Variants in CNOT1 observed in about 807,000 individuals in gnomAD.
CNOT1 encodes the protein CCR4-associated factor 1.
A neutral mutation model predicts 273.8 loss-of-function variants in CNOT1; 15 were observed. That is an observed-to-expected ratio of 0.05 (90% CI 0.04 to 0.08). The LOEUF (loss-of-function observed/expected upper bound fraction) is 0.08. Ranked by LOEUF, CNOT1 falls within the 10% of genes least tolerant of loss-of-function variation. The pLI is 1.00. For synonymous variants in CNOT1, 1,022 were observed against 1,005.5 expected (o/e 1.02, Z -0.31); for missense variants, 1,644 against 2,912.2 (o/e 0.56, Z 10.02).
At chr16:58,528,982 T>TA (rs2039688462) in intron 43 of CNOT1, among the ~76,000 whole-genome samples, 4 of 145,300 alleles carry the variant, frequency 2.8e-5, no homozygotes, top group Admixed American at 1.4e-4. Context: ...GAAAGTAGAG[T>TA]AAAAGCATAT....
chr16:58,619,618 G>A (rs932127995), intron 1 of CNOT1, among the ~76,000 whole-genome samples: 1 of 151,964 alleles, frequency 6.6e-6, no homozygotes, highest in Non-Finnish European at 1.5e-5. Context: ...TAGAGACGGG[G>A]TTTCACCATA....
chr16:58,534,204 G>T lies in CNOT1; in HGVS notation c.5838C>A (p.Leu1946=). 6.2e-7 allele frequency: 1 copy of T among 1,614,124 alleles called. No individual in the cohort carries two copies. The highest frequency in any genetic ancestry group is 1.1e-5 in the South Asian group (1 of 91,070). Residue 1946 remains leucine, a synonymous_variant, in exon 40 of 49, where the codon CTC becomes CTA. Coordinates refer to ENST00000317147, the MANE Select transcript of CNOT1 (RefSeq NM_016284.5). ...LDAFVRLIAL[L]VKHSGEATNT... ...TGGTGGCCTCCCCTGAGTGTTTCAC[G>T]AGCAGTGCAATGAGTCGAACAAAGG...
chr16:58,578,933 G>A lies in CNOT1; in HGVS notation c.1350C>T (p.Ser450=), dbSNP rs980258551. ...DDNREIATWK[S]LDLIESLLRL... ...TCAGCAGAGATTCAATCAAATCCAA[G>A]CTCTTCCTAACGAGAAAGGAAGAAA... Residue 450 remains serine (S), a synonymous_variant, in exon 13 of 49, where the codon AGC becomes AGT. Transcript: ENST00000317147. 56 of 1,613,204 alleles carry A rather than the reference G, an allele frequency of 3.5e-5. No homozygotes were observed. Among genetic ancestry groups the A allele is most frequent in the Non-Finnish European group, 4.4e-5 (52 of 1,179,480 alleles).
At position 58,560,327 on chromosome 16, in the gene CNOT1, G is replaced by A. The variant is rs917698690; in HGVS notation, c.2015C>T (p.Thr672Ile). ...VSQELSETIL[T>I]MVANCSNVMN... ...AACATTACTGCAATTGGCTACCATG[G>A]TGAGGATAGTTTCTGATAGCTCCTG... Residue 672 changes from threonine to isoleucine, a missense_variant, in exon 17 of 49, where the codon ACC (threonine) becomes ATC (isoleucine). By Grantham distance (89) the Thr-to-Ile change is moderately conservative. Around this residue, in one of 13 missense-constraint regions of CNOT1, gnomAD observed 706 missense variants for 1,021.2 expected, o/e 0.69. Coordinates refer to ENST00000317147, the MANE Select transcript of CNOT1 (RefSeq NM_016284.5). The A allele has an allele frequency of 6.2e-7, 1 of 1,614,134 alleles. No homozygotes were observed. The highest frequency in any genetic ancestry group is 8.5e-7 in the Non-Finnish European group (1 of 1,180,022).
intron 14 of CNOT1, among the ~76,000 whole-genome samples, chr16:58,576,245 G>A (rs2041454698): frequency 6.6e-6 from 1 of 151,884 alleles, no homozygotes; most frequent in South Asian, 2.1e-4. Flanking sequence ...TGAGTAGCTG[G>A]GATTACAGGC....
At chr16:58,605,637 A>G (rs1342529952) in intron 1 of CNOT1, among the ~76,000 whole-genome samples, 10 of 152,196 alleles carry the variant, frequency 6.6e-5, no homozygotes, top group Admixed American at 5.2e-4. Context: ...TCATACAATA[A>G]AAATGCTAAA....
At chr16:58,546,836 T>TA (rs765503158) in intron 27 of CNOT1, 87 bp from the exon 28 acceptor site, 62 of 1,510,672 alleles carry the variant, frequency 4.1e-5, no homozygotes, top group Non-Finnish European at 5.5e-5. Context: ...CATAAGGGGG[T>TA]AGGGGGGAGT....
intron 37 of CNOT1, 37 bp from the exon 38 acceptor site, chr16:58,538,097 A>C: frequency 6.8e-6 from 11 of 1,614,022 alleles, no homozygotes; most frequent in Non-Finnish European, 8.5e-6. Flanking sequence ...GAGGGAAAAC[A>C]CTTAAGAGCA....
chr16:58,575,061 A>C lies in CNOT1; in HGVS notation c.1773T>G (p.Arg591=), dbSNP rs751683058. 8.7e-6 allele frequency: 14 copies of C among 1,614,058 alleles called. No homozygotes were observed. The highest frequency in any genetic ancestry group is 1.7e-5 in the Admixed American group (1 of 59,996). Residue 591 remains arginine (R), a synonymous_variant, in exon 15 of 49, where the codon CGT becomes CGG. Coordinates refer to ENST00000317147, the MANE Select transcript of CNOT1 (RefSeq NM_016284.5). ...FVIDLAALAS[R]REYLKLDKWL... is the part of the protein sequence containing the mutation. ...ACTTATCAAGTTTGAGGTATTCACG[A>C]CGTGAAGCAAGTGCAGCAAGGTCAA...
intron 1 of CNOT1, among the ~76,000 whole-genome samples, chr16:58,628,319 T>C (rs575711325): frequency 6.6e-6 from 1 of 152,310 alleles, no homozygotes; most frequent in East Asian, 1.9e-4. Context: ...CATAATTATT[T>C]AAACTGTTAC....
intron 2 of CNOT1, among the ~76,000 whole-genome samples, chr16:58,595,640 T>C (rs748957761): frequency 4.7e-4 from 71 of 152,050 alleles, no homozygotes; most frequent in Non-Finnish European, 9.4e-4. Context: ...GTTTGCTTAA[T>C]AAAAATAACC....
At chr16:58,553,447 T>C (rs2151933517) in intron 22 of CNOT1, among the ~76,000 whole-genome samples, 1 of 152,330 alleles carries the variant, frequency 6.6e-6, no homozygotes, top group Middle Eastern at 3.4e-3. Context: ...AATTCCCTTT[T>C]AGCATCAGGC....
intron 12 of CNOT1, among the ~76,000 whole-genome samples, chr16:58,580,166 T>C (rs1054830729): frequency 2.0e-5 from 3 of 151,938 alleles, no homozygotes; most frequent in Admixed American, 6.6e-5. Flanking sequence ...GCTGAGATTG[T>C]GCCACTGCAC....
rs1465465596 is a variant in CNOT1, at chr16:58,520,397, A to AACTC, written c.*557_*560dup. The AACTC allele has an allele frequency of 1.3e-5, 2 of 154,234 alleles. No homozygotes were observed. The highest frequency in any genetic ancestry group is 2.9e-5 in the Non-Finnish European group (2 of 69,304). The allele number at this position is 154,234 out of a possible 1,614,324, so 9.6% of individuals were successfully genotyped here. Reference sequence around the variant, plus strand: ...TACGTTTGGGTAGAGACAAAATGGAAACTCATGGGATTCCAATAGTGAGCC... The same window carrying AACTC: ...TACGTTTGGGTAGAGACAAAATGGAAACTCACTCATGGGATTCCAATAGTGAGCC... On this transcript the variant is annotated 3_prime_UTR_variant, in exon 49 of 49. Transcript: ENST00000317147.
intron 48 of CNOT1, 67 bp downstream of exon 48, chr16:58,521,116 C>T: frequency 6.2e-7 from 1 of 1,613,098 alleles, no homozygotes; most frequent in Non-Finnish European, 8.5e-7. Flanking sequence ...GCTGACCCAA[C>T]CTAGAGACAG....
intron 2 of CNOT1, among the ~76,000 whole-genome samples, chr16:58,594,674 C>T (rs572020524): frequency 2.5e-4 from 38 of 151,306 alleles, no homozygotes; most frequent in Admixed American, 1.1e-3. Flanking sequence ...TGGTGGTGCA[C>T]GCCTGTAATC....
intron 1 of CNOT1, among the ~76,000 whole-genome samples, chr16:58,627,734 A>C (rs534928427): frequency 5.1e-4 from 78 of 152,294 alleles, no homozygotes; most frequent in Non-Finnish European, 7.3e-4. Context: ...TTTCCACCGT[A>C]ATGCCACAAA....
At chr16:58,543,463 T>C in intron 31 of CNOT1, 144 bp downstream of exon 31, 1 of 1,498,198 alleles carries the variant, frequency 6.7e-7, no homozygotes, top group East Asian at 2.5e-5. Flanking sequence ...AATTACAATC[T>C]AAAATGATGG....
chr16:58,573,645 T>G (rs893456141), intron 16 of CNOT1, among the ~76,000 whole-genome samples: 4 of 151,774 alleles, frequency 2.6e-5, no homozygotes, highest in African/African-American at 9.7e-5. Context: ...CACGCCTAGC[T>G]AATTTTTTTG....
Sources: gnomAD v4.1 joint callset for allele counts (sites outside exome capture counted in the v4.1 genomes callset) on GRCh38, gnomAD v4.1.1 for gene constraint, gnomAD v4.1.1 regional missense constraint, MANE v1.5 for transcripts, NCBI Gene and HGNC (gene_info 2026-07-23, HGNC 2026-07-21) for gene names.